MKX: variants seen among roughly 807,000 people sequenced by gnomAD.
The protein encoded by MKX is homeobox protein Mohawk.
Under a neutral mutation model 36.0 loss-of-function variants are expected in MKX, and 13 were observed. The ratio of observed to expected loss-of-function variants is 0.36; its 90% CI spans 0.24 to 0.57. The LOEUF (loss-of-function observed/expected upper bound fraction) is 0.57, where lower values mean the gene tolerates loss of function less well. MKX is among the 20% of genes least tolerant of loss of function. The pLI is 0.79. For synonymous variants in MKX, 176 were observed against 178.3 expected, an observed-to-expected ratio of 0.99 and a Z score of 0.10; for missense variants, 458 against 456.4, an observed-to-expected ratio of 1.00 and a Z score of -0.03.
chr10:27,726,016 T>C (rs536225288), intron 5 of MKX, among the ~76,000 whole-genome samples: 2 of 152,246 alleles, frequency 1.3e-5, no homozygotes, highest in African/African-American at 4.8e-5. Flanking sequence ...GTCTTAAATA[T>C]AGTGACATGA....
chr10:27,690,025 C>T (rs1836425230), intron 5 of MKX, among the ~76,000 whole-genome samples: 2 of 152,164 alleles, frequency 1.3e-5, no homozygotes, highest in African/African-American at 4.8e-5. Flanking sequence ...TGATTACCAC[C>T]TAAACTTAGA....
chr10:27,734,926 T>G, intron 4 of MKX, 135 bp from the exon 5 acceptor site: 1 of 565,166 alleles, frequency 1.8e-6, no homozygotes. Context: ...ATAGTCAAGA[T>G]CAATTTTTAG....
intron 3 of MKX, among the ~76,000 whole-genome samples, chr10:27,740,027 C>T (rs896088627): frequency 6.6e-6 from 1 of 152,098 alleles, no homozygotes; most frequent in Admixed American, 6.5e-5. Flanking sequence ...TCCACTGCTG[C>T]AGCAAATCAC....
chr10:27,744,744 A>ACACC lies in MKX; in HGVS notation c.-83+962_-83+963insGGTG, dbSNP rs1564370819. The stretch of plus-strand genomic sequence containing the variant: ...CACACACACACACACACACACACAC[A>ACACC]CCCTTTGCCTCGCCAAGCGCCCACA... On this transcript the variant is annotated intron_variant, in intron 1 of 6. Transcript: ENST00000419761. The surrounding 1 kb of genome is among the most constrained non-coding windows in gnomAD (Gnocchi z 5.6). 9 of 147,246 alleles carry ACACC rather than the reference A, an allele frequency of 6.1e-5. No individual in the cohort carries two copies. The highest frequency in any genetic ancestry group is 1.0e-4 in the African/African-American group (4 of 38,110). The allele number at this position is 147,246 out of a possible 1,614,324, so 9.1% of individuals were successfully genotyped here.
chr10:27,741,515 G>A lies in MKX; in HGVS notation c.189-11C>T. ...CCATTCTGCCGGGCGCTGGGACATG[G>A]GGAGAGGAGGCGGCCCTGGTGAGCG... On this transcript the variant is annotated splice_polypyrimidine_tract_variant and intron_variant, in intron 2 of 6. Coordinates refer to ENST00000419761, the MANE Select transcript of MKX (RefSeq NM_173576.3). The surrounding 1 kb of genome is among the most constrained non-coding windows in gnomAD (Gnocchi z 5.1). The A allele has an allele frequency of 6.3e-7, 1 of 1,577,642 alleles. No individual in the cohort carries two copies. The highest frequency in any genetic ancestry group is 8.6e-7 in the Non-Finnish European group (1 of 1,165,624).
At position 27,675,071 on chromosome 10, in the gene MKX, ATGT is replaced by A; in HGVS notation, c.*155_*157del. On this transcript the variant is annotated 3_prime_UTR_variant, in exon 7 of 7. Transcript: ENST00000419761. ...TTAAAATGAGTTTTTTATAATTTAT[ATGT>A]CTTTTATAGAAGCAACTAAATGATA... 1.8e-6 allele frequency: 1 copy of A among 568,022 alleles called. No homozygotes were observed. The highest frequency in any genetic ancestry group is 2.9e-6 in the Non-Finnish European group (1 of 346,202). 35.2% of individuals were successfully genotyped at this position (568,022 alleles called of 1,614,324 possible).
chr10:27,739,036 T>C (rs767122738), intron 3 of MKX, among the ~76,000 whole-genome samples: 1 of 152,040 alleles, frequency 6.6e-6, no homozygotes, highest in African/African-American at 2.4e-5. Flanking sequence ...TCTAGGAACA[T>C]AGCAGTTTTA....
intron 5 of MKX, among the ~76,000 whole-genome samples, chr10:27,695,205 G>C (rs189969406): frequency 6.6e-6 from 1 of 152,128 alleles, no homozygotes; most frequent in Non-Finnish European, 1.5e-5. Flanking sequence ...CATTACATGT[G>C]GTTTGCACAT....
rs986696653 is a variant in MKX at position 27,673,682 on chromosome 10, T to C, written c.*1547A>G. On this transcript the variant is annotated 3_prime_UTR_variant, in exon 7 of 7. Transcript: ENST00000419761. ...AAAATATTTTTATATCAAATTATCT[T>C]CATTACACTAAATAAACCCAATCCC... 1.3e-5 allele frequency: 2 copies of C among 152,440 alleles called. No homozygotes were observed. Among genetic ancestry groups the C allele is most frequent in the African/African-American group, 4.8e-5 (2 of 41,442 alleles). 9.4% of individuals were successfully genotyped at this position (152,440 alleles called of 1,614,324 possible).
chr10:27,678,431 T>G (rs1836193564), intron 5 of MKX, among the ~76,000 whole-genome samples: 1 of 152,240 alleles, frequency 6.6e-6, no homozygotes, highest in South Asian at 2.1e-4. Context: ...CCGTGAGGCT[T>G]AAATAACGTT....
chr10:27,728,176 C>T (rs955681465), intron 5 of MKX, among the ~76,000 whole-genome samples: 1 of 152,122 alleles, frequency 6.6e-6, no homozygotes, highest in Admixed American at 6.5e-5. Flanking sequence ...TTCACTAAAA[C>T]CAAGAAAGTG....
chr10:27,734,384 A>G lies in MKX; in HGVS notation c.838+72T>C, dbSNP rs552664981. ...GATGTCTTTATACCTGTTAAAATAA[A>G]TCCCTCTGATGCAGTTTTAATTGTG... On this transcript the variant is annotated intron_variant, in intron 5 of 6. Transcript: ENST00000419761. The G allele has an allele frequency of 4.4e-5, 58 of 1,317,226 alleles. No individual in the cohort carries two copies. In the African/African-American group the frequency reaches 8.0e-4, roughly 18 times the overall value. 81.6% of individuals were successfully genotyped at this position (1,317,226 alleles called of 1,614,324 possible).
chr10:27,708,803 A>G (rs1164974063), intron 5 of MKX, among the ~76,000 whole-genome samples: 1 of 152,142 alleles, frequency 6.6e-6, no homozygotes, highest in Non-Finnish European at 1.5e-5. Flanking sequence ...TACAGTTGGA[A>G]CTCCATGTCT....
chr10:27,709,040 C>T (rs1248332255), intron 5 of MKX, among the ~76,000 whole-genome samples: 1 of 150,914 alleles, frequency 6.6e-6, no homozygotes, highest in Non-Finnish European at 1.5e-5. Context: ...ATGGTGGTGG[C>T]TGCCTGTAAT....
intron 5 of MKX, among the ~76,000 whole-genome samples, chr10:27,679,033 C>T (rs2815553): frequency 0.95 from 144,057 of 152,144 alleles, 68,636 homozygotes; most frequent in East Asian, 1. Context: ...TTCAGGCAGA[C>T]GGGCACATTC....
In MKX at chr10:27,677,661, G is replaced by C. The variant is rs181448983; in HGVS notation, c.839-2107C>G. ...CTGAGCTCTTTTCACAACCCTTCACGTAAGGAACTTAAATAAACAAGGCGA... is the reference window on the plus strand; with the variant it reads ...CTGAGCTCTTTTCACAACCCTTCACCTAAGGAACTTAAATAAACAAGGCGA... On this transcript the variant is annotated intron_variant, in intron 5 of 6. Coordinates refer to ENST00000419761, the MANE Select transcript of MKX (RefSeq NM_173576.3). Among the ~76,000 whole-genome samples, 365 of 152,260 alleles carry C rather than the reference G, an allele frequency of 2.4e-3. 3 individuals are homozygous for C. The highest frequency in any genetic ancestry group is 8.3e-3 in the African/African-American group (345 of 41,556).
intron 5 of MKX, among the ~76,000 whole-genome samples, chr10:27,692,956 G>A (rs1435728949): frequency 6.6e-6 from 1 of 152,200 alleles, no homozygotes; most frequent in Non-Finnish European, 1.5e-5. Context: ...CAACCAAAAC[G>A]ACTGAGGCAG....
chr10:27,735,413 A>G, intron 3 of MKX, 39 bp from the exon 4 acceptor site: 1 of 1,561,736 alleles, frequency 6.4e-7, no homozygotes, highest in African/African-American at 1.4e-5. Flanking sequence ...AAACTTAAAA[A>G]CATTATCCAT....
At chr10:27,701,712 A>G (rs1390830342) in intron 5 of MKX, among the ~76,000 whole-genome samples, 1 of 144,770 alleles carries the variant, frequency 6.9e-6, no homozygotes. Context: ...TATATTGTAT[A>G]TGACATATTT....
Sources: allele counts gnomAD v4.1 joint callset (sites outside exome capture counted in the v4.1 genomes callset), GRCh38; gene constraint gnomAD v4.1.1; non-coding constraint Gnocchi (gnomAD v3.1); transcripts MANE v1.5; gene names NCBI Gene and HGNC (gene_info 2026-07-23, HGNC 2026-07-21).